Variants in TTLL13 observed in about 807,000 individuals in gnomAD.
The protein encoded by TTLL13 is tubulin polyglutamylase TTLL13.
At chr15:90,260,662 C>T in the TTLL13 span, among the ~76,000 whole-genome samples, 2 of 151,902 alleles carry the variant, frequency 1.3e-5, no homozygotes, top group African/African-American at 4.8e-5. Context: ...ACCATCCTGG[C>T]CAACATGGTG....
chr15:90,256,618 C>T, the TTLL13 span, among the ~76,000 whole-genome samples: 1,783 of 48,062 alleles, frequency 0.037, 43 homozygotes, highest in African/African-American at 0.15. Flanking sequence ...TCCTTCCTTC[C>T]TTCCTTCCTT....
chr15:90,264,552 A>G, the TTLL13 span, among the ~76,000 whole-genome samples: 1 of 152,190 alleles, frequency 6.6e-6, no homozygotes, highest in Non-Finnish European at 1.5e-5. Context: ...TAATAGGAAC[A>G]TGGACAAAAA....
chr15:90,264,956 C>T, the TTLL13 span: 1 of 1,535,860 alleles, frequency 6.5e-7, no homozygotes, highest in East Asian at 2.4e-5. Context: ...CAACATCAAT[C>T]AGTTCAGGTA....
the TTLL13 span, chr15:90,256,070 A>C: frequency 5.1e-6 from 8 of 1,580,896 alleles, no homozygotes; most frequent in East Asian, 1.6e-4. Context: ...AGATAGCAGG[A>C]AGAGCTCCAT....
chr15:90,251,547 A>C, the TTLL13 span: 19 of 1,613,648 alleles, frequency 1.2e-5, no homozygotes, highest in Admixed American at 3.2e-4. Flanking sequence ...CTATTCCTCC[A>C]TTCCAGATCA....
At chr15:90,265,298 G>A in the TTLL13 span, 4 of 1,220,090 alleles carry the variant, frequency 3.3e-6, no homozygotes, top group Non-Finnish European at 2.1e-6. Flanking sequence ...AGGAGACAAT[G>A]AGCCCCTTTC....
At chr15:90,264,187 CATTT>C in the TTLL13 span, 1 of 635,074 alleles carries the variant, frequency 1.6e-6, no homozygotes, top group Non-Finnish European at 2.7e-6. Context: ...TTAGGGTACC[CATTT>C]ATTTACTCCT....
chr15:90,263,083 G>C, the TTLL13 span: 2 of 1,535,990 alleles, frequency 1.3e-6, no homozygotes, highest in Non-Finnish European at 1.7e-6. Flanking sequence ...GGGTATTGTA[G>C]AGCAGCTCAC....
the TTLL13 span, chr15:90,263,059 C>G: frequency 6.5e-7 from 1 of 1,536,130 alleles, no homozygotes; most frequent in Non-Finnish European, 8.7e-7. Context: ...AAGGGAGACT[C>G]TCATCCGAAG....
the TTLL13 span, chr15:90,262,669 G>A: frequency 1.8e-5 from 27 of 1,478,618 alleles, no homozygotes; most frequent in Non-Finnish European, 2.4e-5. Context: ...GGGAGAAAGA[G>A]GTGCCAGGGG....
the TTLL13 span, chr15:90,265,003 C>A: frequency 2.0e-6 from 3 of 1,507,984 alleles, no homozygotes; most frequent in African/African-American, 2.8e-5. Flanking sequence ...TCCTGGATAA[C>A]CTCCCCAGGT....
chr15:90,256,379 G>A, the TTLL13 span: 4 of 1,571,590 alleles, frequency 2.5e-6, no homozygotes, highest in African/African-American at 1.4e-5. Context: ...CAGGGAGGAA[G>A]CTGGTCTTAG....
At chr15:90,262,684 G>A in the TTLL13 span, 2 of 1,467,332 alleles carry the variant, frequency 1.4e-6, no homozygotes, top group African/African-American at 2.8e-5. Flanking sequence ...CAGGGGTTTT[G>A]TAGCTCTTAT....
chr15:90,251,030 C>A, the TTLL13 span: 1 of 1,145,630 alleles, frequency 8.7e-7, no homozygotes, highest in Non-Finnish European at 1.2e-6. Context: ...GTCATTAACC[C>A]TTTGATACAA....
chr15:90,264,144 T>C, the TTLL13 span: 2 of 779,916 alleles, frequency 2.6e-6, no homozygotes, highest in South Asian at 3.4e-5. Flanking sequence ...TAAAATATAA[T>C]ATGGCACTTC....
chr15:90,257,638 A>C, the TTLL13 span: 1 of 1,614,152 alleles, frequency 6.2e-7, no homozygotes, highest in South Asian at 1.1e-5. Flanking sequence ...TTTCCACAGG[A>C]CAATGTCTGC....
the TTLL13 span, chr15:90,257,817 G>T: frequency 7.8e-7 from 1 of 1,288,436 alleles, no homozygotes; most frequent in Non-Finnish European, 1.1e-6. Context: ...GAGGCTAATT[G>T]CCCAGGGAAA....
the TTLL13 span, chr15:90,255,728 G>C: frequency 1.9e-6 from 3 of 1,614,024 alleles, no homozygotes. Context: ...TTACTCTGGG[G>C]GCTCATACTA....
chr15:90,257,078 C>A, the TTLL13 span: 4 of 1,507,534 alleles, frequency 2.7e-6, no homozygotes, highest in African/African-American at 4.1e-5. Flanking sequence ...GCACTTAGAA[C>A]AGCACATAGT....
Sources: allele counts gnomAD v4.1 joint callset (sites outside exome capture counted in the v4.1 genomes callset), GRCh38; gene constraint gnomAD v4.1.1; transcripts MANE v1.5; gene names NCBI Gene and HGNC (gene_info 2026-07-23, HGNC 2026-07-21).